The following TMEM187 variants were observed in gnomAD, a reference collection of about 807,000 sequenced individuals.
The protein encoded by TMEM187 is chromosome X open reading frame 12.
A neutral mutation model predicts 11.8 loss-of-function variants in TMEM187; 14 were observed. The observed-to-expected ratio is 1.18, with a 90% CI of 0.78 to 1.85. TMEM187 has a LOEUF of 1.85. Ranked by LOEUF, TMEM187 falls within the 40% of genes most tolerant of loss-of-function variation. TMEM187 has a pLI of 0.00. For missense variants in TMEM187, 227 were observed against 243.9 expected, an observed-to-expected ratio of 0.93 and a Z score of 0.46; for synonymous variants, 112 against 118.5, an observed-to-expected ratio of 0.95 and a Z score of 0.36.
intron 1 of TMEM187, among the ~76,000 whole-genome samples, chrX:153,974,547 T>G (rs1346618642): frequency 8.9e-6 from 1 of 112,368 alleles, no homozygotes; most frequent in Non-Finnish European, 1.9e-5. Context: ...CTTTGGGACA[T>G]GATCCAGGAC....
Position 153,982,126 on chromosome X carries a change from G to A in TMEM187, c.64G>A (p.Ala22Thr). The change falls in exon 2 of 2, where the codon GCT (alanine) becomes ACT (threonine). Residue 22 changes from alanine to threonine, a missense_variant. Coordinates refer to ENST00000369982, the MANE Select transcript of TMEM187 (RefSeq NM_003492.3). ...VAVAGGLCAV[A>T]VFTGIFDSVS... ...CGTGGCCGGTGGCCTCTGTGCCGTG[G>A]CTGTGTTCACGGGCATTTTCGACAG... 2 of 1,212,542 alleles carry A rather than the reference G, an allele frequency of 1.6e-6. No individual in the cohort carries two copies. Among genetic ancestry groups the A allele is most frequent in the Middle Eastern group, 2.3e-4 (1 of 4,353 alleles).
At chrX:153,979,248 C>G (rs782657907) in intron 1 of TMEM187, among the ~76,000 whole-genome samples, 6 of 109,095 alleles carry the variant, frequency 5.5e-5, no homozygotes, top group Non-Finnish European at 9.6e-5. Flanking sequence ...GAGATAGGGT[C>G]TTGCTCTGTG....
chrX:153,980,149 A>G (rs1205419361), intron 1 of TMEM187, among the ~76,000 whole-genome samples: 27 of 102,741 alleles, frequency 2.6e-4, no homozygotes, highest in African/African-American at 8.2e-4. Context: ...CCAAGATCGC[A>G]CCACTGCACT....
chrX:153,978,045 G>A (rs1354880022), intron 1 of TMEM187, among the ~76,000 whole-genome samples: 1 of 105,120 alleles, frequency 9.5e-6, no homozygotes, highest in Non-Finnish European at 2.0e-5. Context: ...GTGAAACCCC[G>A]TCTCTACTAA....
Position 153,982,382 on chromosome X carries a change from A to G in TMEM187, c.320A>G (p.Gln107Arg), listed in dbSNP as rs1039770732. ...GTGCAGTGGCTGCGCCTGTGGACGC[A>G]GTGGCGCCGTGCCGCGGTGCTGGAC... ...GPVQWLRLWT[Q>R]WRRAAVLDQW... Residue 107 changes from glutamine to arginine, a missense_variant, in exon 2 of 2, where the codon CAG (glutamine) becomes CGG (arginine). Physicochemically the swap from Gln to Arg is conservative, Grantham distance 43. Coordinates refer to ENST00000369982, the MANE Select transcript of TMEM187 (RefSeq NM_003492.3). 2.5e-6 allele frequency: 3 copies of G among 1,199,414 alleles called. No homozygotes were observed. Among genetic ancestry groups the G allele is most frequent in the Admixed American group, 4.4e-5 (2 of 45,070 alleles).
At chrX:153,977,295 A>C (rs1001324157) in intron 1 of TMEM187, among the ~76,000 whole-genome samples, 54 of 112,341 alleles carry the variant, frequency 4.8e-4, no homozygotes, top group African/African-American at 1.7e-3. Flanking sequence ...TACATGTATC[A>C]AAATGTCACT....
intron 1 of TMEM187, among the ~76,000 whole-genome samples, chrX:153,979,814 G>A (rs1444461386): frequency 1.0e-5 from 1 of 100,052 alleles, no homozygotes; most frequent in Non-Finnish European, 2.0e-5. Context: ...TCAGCTCACT[G>A]CAAGCTCCGC....
At chrX:153,975,179 G>A (rs2065572780) in intron 1 of TMEM187, among the ~76,000 whole-genome samples, 1 of 111,604 alleles carries the variant, frequency 9.0e-6, no homozygotes. Context: ...CTTCTGTGCT[G>A]TGCAAAAGCT....
chrX:153,974,013 G>A (rs1279072095), intron 1 of TMEM187, among the ~76,000 whole-genome samples: 1 of 111,617 alleles, frequency 9.0e-6, no homozygotes, highest in Non-Finnish European at 1.9e-5. Flanking sequence ...GCTGGGGGAA[G>A]CTGTGACGAG....
At chrX:153,977,352 C>T (rs1015361862) in intron 1 of TMEM187, among the ~76,000 whole-genome samples, 1 of 112,052 alleles carries the variant, frequency 8.9e-6, no homozygotes, top group Non-Finnish European at 1.9e-5. Flanking sequence ...CAGTGGTTCA[C>T]GCCTGTAATC....
chrX:153,982,880 C>CT lies in TMEM187; in HGVS notation c.*32_*33insT. The stretch of plus-strand genomic sequence containing the variant: ...GGAAGAACCTGCTGAAAACCGATGA[C>CT]CCCCAGCATTGAAATGGACTCTGAG... On this transcript the variant is annotated 3_prime_UTR_variant, in exon 2 of 2. Coordinates refer to ENST00000369982, the MANE Select transcript of TMEM187 (RefSeq NM_003492.3). 1 of 1,211,463 alleles carries CT rather than the reference C, an allele frequency of 8.3e-7. No homozygotes were observed. The highest frequency in any genetic ancestry group is 1.1e-6 in the Non-Finnish European group (1 of 895,310).
chrX:153,975,281 C>T (rs1362397843), intron 1 of TMEM187, among the ~76,000 whole-genome samples: 2 of 110,727 alleles, frequency 1.8e-5, no homozygotes, highest in Non-Finnish European at 3.8e-5. Flanking sequence ...GGAGCATTTC[C>T]CCATTTTCTT....
intron 1 of TMEM187, among the ~76,000 whole-genome samples, chrX:153,978,299 C>T (rs2065584635): frequency 9.5e-6 from 1 of 105,421 alleles, no homozygotes; most frequent in Non-Finnish European, 1.9e-5. Context: ...GACGGAGTCT[C>T]ATTCTGTCGC....
In TMEM187 at chrX:153,982,940, T is replaced by C. The variant is rs975232062; in HGVS notation, c.*92T>C. 5.0e-6 allele frequency: 6 copies of C among 1,193,042 alleles called. No individual in the cohort carries two copies. The highest frequency in any genetic ancestry group is 3.5e-5 in the African/African-American group (2 of 57,515). On this transcript the variant is annotated 3_prime_UTR_variant, in exon 2 of 2. Transcript: ENST00000369982. Reference sequence around the variant, plus strand: ...TGGTGCCAGTGTCAGACATCCTGTGTGTGATGATATGCACTGATCACACAA... The same window carrying C: ...TGGTGCCAGTGTCAGACATCCTGTGCGTGATGATATGCACTGATCACACAA...
Position 153,982,941 on chromosome X carries a change from G to A in TMEM187, c.*93G>A. On this transcript the variant is annotated 3_prime_UTR_variant, in exon 2 of 2. Coordinates refer to ENST00000369982, the MANE Select transcript of TMEM187 (RefSeq NM_003492.3). ...GGTGCCAGTGTCAGACATCCTGTGT[G>A]TGATGATATGCACTGATCACACAAG... is the stretch of plus-strand genomic sequence containing the variant. 1 of 1,193,222 alleles carries A rather than the reference G, an allele frequency of 8.4e-7. No homozygotes were observed. Among genetic ancestry groups the A allele is most frequent in the Non-Finnish European group, 1.1e-6 (1 of 885,601 alleles).
Position 153,980,849 on chromosome X carries a change from G to A in TMEM187, c.-213-1001G>A, listed in dbSNP as rs1250602896. Among the ~76,000 whole-genome samples the A allele has an allele frequency of 3.7e-5, 4 of 108,255 alleles. No homozygotes were observed. In the East Asian group the frequency reaches 1.2e-3, roughly 32 times the overall value. 94.0% of individuals were successfully genotyped at this position (108,255 alleles called of 115,157 possible). ...CAGGAGAATCACCTGAACCTGGGAG[G>A]CGGAGGTTGCAGTGAGCCAAGATTG... On this transcript the variant is annotated intron_variant, in intron 1 of 1. Coordinates refer to ENST00000369982, the MANE Select transcript of TMEM187 (RefSeq NM_003492.3).
At chrX:153,975,294 A>G (rs1044499127) in intron 1 of TMEM187, among the ~76,000 whole-genome samples, 13 of 110,650 alleles carry the variant, frequency 1.2e-4, no homozygotes, top group African/African-American at 1.6e-4. Flanking sequence ...ATTTTCTTCT[A>G]GTAGTTTTAT....
chrX:153,975,216 CTGTTTT>C (rs781933908), intron 1 of TMEM187, among the ~76,000 whole-genome samples: 5 of 112,234 alleles, frequency 4.5e-5, no homozygotes, highest in Non-Finnish European at 7.5e-5. Context: ...TCCCATTTGT[CTGTTTT>C]TGTTTTTGTT....
intron 1 of TMEM187, among the ~76,000 whole-genome samples, chrX:153,975,152 C>T (rs955066763): frequency 3.6e-5 from 4 of 111,174 alleles, no homozygotes; most frequent in African/African-American, 1.3e-4. Context: ...CCTATATTGT[C>T]TCTTCATTGT....
Sources: allele counts gnomAD v4.1 joint callset (sites outside exome capture counted in the v4.1 genomes callset), GRCh38; gene constraint gnomAD v4.1.1; transcripts MANE v1.5; gene names NCBI Gene and HGNC (gene_info 2026-07-23, HGNC 2026-07-21).